The following APLF variants were observed in gnomAD, a reference collection of about 807,000 sequenced individuals.
APLF encodes the protein aprataxin and PNKP like factor, also known as aprataxin and PNK-like factor.
In APLF, 61 loss-of-function variants were observed where a neutral mutation model predicts 55.6. The ratio of observed to expected loss-of-function variants is 1.10; its 90% CI spans 0.89 to 1.36. The LOEUF is 1.36. Ranked by LOEUF, APLF falls within the 40% of genes most tolerant of loss-of-function variation. The pLI is 0.00. For missense variants in APLF, 611 were observed against 602.5 expected (o/e 1.01, Z -0.15); for synonymous variants, 207 against 214.8 (o/e 0.96, Z 0.32).
chr2:68,560,977 AG>A (rs1671153013), intron 8 of APLF, among the ~76,000 whole-genome samples: 1 of 151,990 alleles, frequency 6.6e-6, no homozygotes, highest in Non-Finnish European at 1.5e-5. Flanking sequence ...ATGCATAGAC[AG>A]ATGTTAGAAA....
chr2:68,468,800 G>A (rs1675517153), intron 1 of APLF, among the ~76,000 whole-genome samples: 1 of 152,152 alleles, frequency 6.6e-6, no homozygotes, highest in Non-Finnish European at 1.5e-5. Flanking sequence ...TACCCTTTAG[G>A]AGTTTTCTCT....
At chr2:68,570,275 TC>T (rs1401374640) in intron 9 of APLF, among the ~76,000 whole-genome samples, 1 of 139,422 alleles carries the variant, frequency 7.2e-6, no homozygotes, top group African/African-American at 3.1e-5. Flanking sequence ...TTTGTTTTAT[TC>T]TTTTTTTTTT....
At position 68,578,710 on chromosome 2, in the gene APLF, C is replaced by CT. The variant is rs925434520; in HGVS notation, c.*696dup. The CT allele has an allele frequency of 5.4e-5, 53 of 984,666 alleles. No individual in the cohort carries two copies. The highest frequency in any genetic ancestry group is 6.1e-5 in the Non-Finnish European group (51 of 829,650). The allele number at this position is 984,666 out of a possible 1,614,324, so 61.0% of individuals were successfully genotyped here. The stretch of plus-strand genomic sequence containing the variant: ...AGTAAAAAAACTCAAAAAACTTGAC[C>CT]TTTTTTTTCAAACTAAAGTCCTAGC... On this transcript the variant is annotated 3_prime_UTR_variant, in exon 10 of 10. Coordinates refer to ENST00000303795, the MANE Select transcript of APLF (RefSeq NM_173545.3).
chr2:68,567,683 GTAAC>G (rs1466541642), intron 9 of APLF, among the ~76,000 whole-genome samples: 1 of 152,036 alleles, frequency 6.6e-6, no homozygotes, highest in Non-Finnish European at 1.5e-5. Flanking sequence ...ATTGACTTCT[GTAAC>G]TAAAACGTCC....
At chr2:68,569,947 G>T (rs567798604) in intron 9 of APLF, among the ~76,000 whole-genome samples, 1 of 151,982 alleles carries the variant, frequency 6.6e-6, no homozygotes. Context: ...TGAATTTGAG[G>T]TGGGGGTATC....
intron 2 of APLF, among the ~76,000 whole-genome samples, chr2:68,500,156 G>A (rs1676677262): frequency 1.3e-5 from 2 of 152,096 alleles, no homozygotes; most frequent in African/African-American, 4.8e-5. Flanking sequence ...CATTTTAGTT[G>A]GAGTATATGT....
chr2:68,476,629 A>G (rs890130817), intron 1 of APLF, among the ~76,000 whole-genome samples: 1 of 152,012 alleles, frequency 6.6e-6, no homozygotes, highest in African/African-American at 2.4e-5. Flanking sequence ...AGGTATATAT[A>G]TTTTATTCAG....
intron 8 of APLF, among the ~76,000 whole-genome samples, chr2:68,563,770 C>A (rs1162067308): frequency 6.6e-6 from 1 of 151,946 alleles, no homozygotes; most frequent in Non-Finnish European, 1.5e-5. Flanking sequence ...TTCAATGATC[C>A]TACTTAACTG....
intron 7 of APLF, among the ~76,000 whole-genome samples, chr2:68,544,446 G>A (rs1670643243): frequency 6.6e-6 from 1 of 152,094 alleles, no homozygotes; most frequent in South Asian, 2.1e-4. Context: ...CTTCTCTAAA[G>A]TAGAGATTAA....
chr2:68,527,991 C>T (rs1670125310), intron 6 of APLF, among the ~76,000 whole-genome samples: 1 of 151,288 alleles, frequency 6.6e-6, no homozygotes, highest in Non-Finnish European at 1.5e-5. Context: ...GGCGGCTGGG[C>T]AGAGGCGCTC....
At position 68,516,813 on chromosome 2, in the gene APLF, T is replaced by C. The variant is rs139179296; in HGVS notation, c.622+3133T>C. ...TAGTATTCCATGGTGTATTTGTATA[T>C]ATATAGAGAGAACAAATCTGGAGGC... On this transcript the variant is annotated intron_variant, in intron 5 of 9. Coordinates refer to ENST00000303795, the MANE Select transcript of APLF (RefSeq NM_173545.3). Among the ~76,000 whole-genome samples, 758 of 144,238 alleles carry C rather than the reference T, an allele frequency of 5.3e-3. 3 individuals are homozygous for C. Among genetic ancestry groups the C allele is most frequent in the African/African-American group, 0.018 (720 of 39,238 alleles). 94.6% of individuals were successfully genotyped at this position (144,238 alleles called of 152,430 possible).
chr2:68,554,565 A>G (rs569268006), intron 8 of APLF, among the ~76,000 whole-genome samples: 1 of 151,666 alleles, frequency 6.6e-6, no homozygotes, highest in East Asian at 1.9e-4. Context: ...TGTGTCGTCT[A>G]TGATTTCTTT....
chr2:68,473,587 G>A (rs190768353), intron 1 of APLF, among the ~76,000 whole-genome samples: 41 of 152,276 alleles, frequency 2.7e-4, no homozygotes, highest in Non-Finnish European at 5.1e-4. Context: ...GTAAGAAACC[G>A]CCAAACTGTC....
chr2:68,495,536 T>G (rs1676519422), intron 2 of APLF, among the ~76,000 whole-genome samples: 1 of 152,218 alleles, frequency 6.6e-6, no homozygotes, highest in Non-Finnish European at 1.5e-5. Context: ...CTGAGGCTGC[T>G]CTCACAGGCT....
chr2:68,492,680 A>C (rs1321048447), intron 2 of APLF, among the ~76,000 whole-genome samples: 1 of 152,200 alleles, frequency 6.6e-6, no homozygotes, highest in East Asian at 1.9e-4. Context: ...GTCTTTAATT[A>C]GATGGTACGC....
At position 68,579,329 on chromosome 2, in the gene APLF, T is replaced by A. The variant is rs1671706578; in HGVS notation, c.*1307T>A. The stretch of plus-strand genomic sequence containing the variant: ...TGTTATTTGGGAACTATTTTTCCCC[T>A]TATAATGTCCCTTTAGCCTTGGTAG... On this transcript the variant is annotated 3_prime_UTR_variant, in exon 10 of 10. Coordinates refer to ENST00000303795, the MANE Select transcript of APLF (RefSeq NM_173545.3). The A allele has an allele frequency of 1.1e-6, 1 of 942,058 alleles. No homozygotes were observed. Among genetic ancestry groups the A allele is most frequent in the African/African-American group, 1.8e-5 (1 of 56,276 alleles). The allele number at this position is 942,058 out of a possible 1,614,324, so 58.4% of individuals were successfully genotyped here.
chr2:68,468,763 T>C (rs1397870583), intron 1 of APLF, among the ~76,000 whole-genome samples: 1 of 152,240 alleles, frequency 6.6e-6, no homozygotes, highest in Non-Finnish European at 1.5e-5. Flanking sequence ...CTGTGGGGCA[T>C]ACAAAGATGA....
chr2:68,548,760 T>C (rs960705741), intron 8 of APLF, among the ~76,000 whole-genome samples: 1 of 151,990 alleles, frequency 6.6e-6, no homozygotes, highest in African/African-American at 2.4e-5. Context: ...AAAAAAACTT[T>C]TGTAATGGAG....
chr2:68,473,918 A>G (rs989214949), intron 1 of APLF, among the ~76,000 whole-genome samples: 1 of 152,136 alleles, frequency 6.6e-6, no homozygotes, highest in Admixed American at 6.5e-5. Flanking sequence ...CAGCTCCCAC[A>G]TGTTGAGGGC....
Sources: gnomAD v4.1 joint callset for allele counts (sites outside exome capture counted in the v4.1 genomes callset) on GRCh38, gnomAD v4.1.1 for gene constraint, MANE v1.5 for transcripts, NCBI Gene and HGNC (gene_info 2026-07-23, HGNC 2026-07-21) for gene names.